PRELID2: variants seen among roughly 807,000 people sequenced by gnomAD.
PRELID2 encodes the protein PRELI domain-containing protein 2.
PRELID2 carries 25 observed loss-of-function variants against 28.4 expected under a neutral mutation model. The observed-to-expected ratio is 0.88, with a 90% CI of 0.64 to 1.23. The LOEUF is 1.23. Among genes scored for constraint, PRELID2 ranks in the 50% most tolerant of loss-of-function variants. The pLI is 0.00. For synonymous variants in PRELID2, 76 were observed against 71.6 expected, an observed-to-expected ratio of 1.06 and a Z score of -0.31; for missense variants, 201 against 214.4, an observed-to-expected ratio of 0.94 and a Z score of 0.39.
At chr5:145,313,906 C>G in the PRELID2 span, among the ~76,000 whole-genome samples, 3 of 152,128 alleles carry the variant, frequency 2.0e-5, no homozygotes, top group Non-Finnish European at 4.4e-5. Flanking sequence ...TATTTTTAAG[C>G]AGAGAAAAGA....
chr5:145,555,234 T>C (rs1402153926), intron 1 of PRELID2, among the ~76,000 whole-genome samples: 1 of 152,200 alleles, frequency 6.6e-6, no homozygotes, highest in Non-Finnish European at 1.5e-5. Flanking sequence ...AGGTCCCTTT[T>C]TTTAGAAATG....
intron 1 of PRELID2, among the ~76,000 whole-genome samples, chr5:145,590,598 T>C (rs1753213398): frequency 1.3e-5 from 2 of 152,218 alleles, no homozygotes; most frequent in African/African-American, 2.4e-5. Context: ...TTCATCAATA[T>C]GTCAATTTAT....
At chr5:145,579,010 T>C (rs1399027455) in intron 1 of PRELID2, among the ~76,000 whole-genome samples, 1 of 152,094 alleles carries the variant, frequency 6.6e-6, no homozygotes, top group Non-Finnish European at 1.5e-5. Flanking sequence ...GTTCTAGCTC[T>C]GTCCTGATAC....
intron 1 of PRELID2, among the ~76,000 whole-genome samples, chr5:145,724,600 A>AATAAAT (rs1308255896): frequency 3.6e-4 from 9 of 24,772 alleles, no homozygotes; most frequent in East Asian, 1.6e-3. Flanking sequence ...GAAGTAAATA[A>AATAAAT]ATATATATAT....
At chr5:145,276,681 G>A in the PRELID2 span, among the ~76,000 whole-genome samples, 1 of 152,030 alleles carries the variant, frequency 6.6e-6, no homozygotes, top group African/African-American at 2.4e-5. Context: ...ATTAATAGCT[G>A]TGATGCTGTC....
At chr5:145,408,637 G>T in the PRELID2 span, among the ~76,000 whole-genome samples, 1 of 151,642 alleles carries the variant, frequency 6.6e-6, no homozygotes, top group Non-Finnish European at 1.5e-5. Flanking sequence ...TGAAGAAAAG[G>T]CTTTCAAATT....
chr5:145,285,685 G>A, the PRELID2 span, among the ~76,000 whole-genome samples: 26 of 152,118 alleles, frequency 1.7e-4, no homozygotes, highest in Non-Finnish European at 2.2e-4. Context: ...ATTAATCTCT[G>A]CACAATTAGA....
chr5:145,391,208 C>T, the PRELID2 span, among the ~76,000 whole-genome samples: 1 of 152,210 alleles, frequency 6.6e-6, no homozygotes, highest in Non-Finnish European at 1.5e-5. Flanking sequence ...ATCATGGCTC[C>T]ACCCCTGTAG....
chr5:145,241,116 A>G, the PRELID2 span, among the ~76,000 whole-genome samples: 9,029 of 152,100 alleles, frequency 0.059, 472 homozygotes, highest in African/African-American at 0.14. Context: ...AGTACCTGGC[A>G]CAGGTAAGCA....
intron 1 of PRELID2, among the ~76,000 whole-genome samples, chr5:145,482,126 T>C (rs1302433794): frequency 1.3e-5 from 2 of 152,268 alleles, no homozygotes; most frequent in Non-Finnish European, 2.9e-5. Flanking sequence ...CTAAGGTTCA[T>C]GTAGCTGTTG....
chr5:145,435,939 AT>A, the PRELID2 span, among the ~76,000 whole-genome samples: 1 of 152,082 alleles, frequency 6.6e-6, no homozygotes, highest in Non-Finnish European at 1.5e-5. Flanking sequence ...GATTTTTAAA[AT>A]TTTTGTTTTT....
chr5:145,708,533 T>C lies in PRELID2; in HGVS notation n.70+56398A>G, dbSNP rs373123114. On this transcript the variant is annotated intron_variant and non_coding_transcript_variant, in intron 1 of 2. Transcript: ENST00000510259. ...GTATGTTTTCTGATTTATTCTAATTTCTTTACAATAAGCATTATTTTTGTA... is the reference window on the plus strand; with the variant it reads ...GTATGTTTTCTGATTTATTCTAATTCCTTTACAATAAGCATTATTTTTGTA... Among the ~76,000 whole-genome samples the C allele has an allele frequency of 3.7e-4, 56 of 152,348 alleles. No homozygotes were observed. In the South Asian group the frequency reaches 0.011, roughly 29 times the overall value.
the PRELID2 span, among the ~76,000 whole-genome samples, chr5:145,307,029 G>A: frequency 6.6e-6 from 1 of 152,062 alleles, no homozygotes; most frequent in Admixed American, 6.6e-5. Flanking sequence ...TTATAGTCTT[G>A]CCAGACTTTG....
intron 1 of PRELID2, chr5:145,704,269 T>C (rs879872526): frequency 1.3e-5 from 2 of 152,188 alleles, no homozygotes; most frequent in Admixed American, 6.5e-5. Flanking sequence ...AAAATTTGCA[T>C]CTGTCCATCC....
chr5:145,584,481 A>G (rs541753316), intron 1 of PRELID2, among the ~76,000 whole-genome samples: 3 of 152,190 alleles, frequency 2.0e-5, no homozygotes, highest in African/African-American at 4.8e-5. Context: ...AGAAACTAGC[A>G]TCAGAGTGAA....
At chr5:145,696,193 T>C (rs1755258947) in intron 1 of PRELID2, among the ~76,000 whole-genome samples, 1 of 129,236 alleles carries the variant, frequency 7.7e-6, no homozygotes, top group Non-Finnish European at 1.6e-5. Context: ...CCAGTGTTGC[T>C]CATAAAATAG....
At chr5:145,706,708 A>G (rs926557920) in intron 1 of PRELID2, among the ~76,000 whole-genome samples, 1 of 152,212 alleles carries the variant, frequency 6.6e-6, no homozygotes, top group African/African-American at 2.4e-5. Context: ...TGAAATATAA[A>G]ATAAAATAAT....
the PRELID2 span, among the ~76,000 whole-genome samples, chr5:145,256,509 C>CCTTAGTTG: frequency 6.6e-6 from 1 of 151,858 alleles, no homozygotes; most frequent in Non-Finnish European, 1.5e-5. Context: ...TTATCTGCAA[C>CCTTAGTTG]CTTAGTTGCC....
At chr5:145,705,195 C>CTT (rs199698718) in intron 1 of PRELID2, among the ~76,000 whole-genome samples, 2 of 144,844 alleles carry the variant, frequency 1.4e-5, no homozygotes, top group Non-Finnish European at 3.0e-5. Context: ...CAAAAAGTAC[C>CTT]TTTTTTTTTT....
Sources: allele counts gnomAD v4.1 joint callset (sites outside exome capture counted in the v4.1 genomes callset), GRCh38; gene constraint gnomAD v4.1.1; transcripts MANE v1.5; gene names NCBI Gene and HGNC (gene_info 2026-07-23, HGNC 2026-07-21).